The following KLF13 variants were observed in gnomAD, a reference collection of about 807,000 sequenced individuals.
KLF13 encodes the protein Krueppel-like factor 13.
In KLF13, 8 loss-of-function variants were observed where a neutral mutation model predicts 16.7. The ratio of observed to expected loss-of-function variants is 0.48; its 90% CI spans 0.28 to 0.87. The LOEUF (loss-of-function observed/expected upper bound fraction) is 0.87. KLF13 is among the 40% of genes least tolerant of loss of function. The pLI, the probability that KLF13 is intolerant of heterozygous loss-of-function variation, is 0.10. For missense variants in KLF13, 447 were observed against 452.2 expected (o/e 0.99, Z 0.10); for synonymous variants, 245 against 208.4 (o/e 1.18, Z -1.51).
At chr15:31,355,476 C>G (rs1331838979) in intron 1 of KLF13, among the ~76,000 whole-genome samples, 1 of 152,168 alleles carries the variant, frequency 6.6e-6, no homozygotes. Flanking sequence ...TCTTTCTGTA[C>G]GTTCATTGTG....
downstream of KLF13, among the ~76,000 whole-genome samples, chr15:31,380,419 G>A (rs2039709568): frequency 1.3e-5 from 2 of 152,192 alleles, no homozygotes; most frequent in South Asian, 2.1e-4. Context: ...TTCCATGAAG[G>A]GACTGGTGTT....
intron 1 of KLF13, among the ~76,000 whole-genome samples, chr15:31,328,732 C>T (rs1197228087): frequency 2.0e-5 from 3 of 152,194 alleles, no homozygotes; most frequent in Non-Finnish European, 2.9e-5. Context: ...TCATCTGTGG[C>T]GGTTCCCTCC....
At chr15:31,366,729 C>CCTTACTGTGTGCCCCCCTGTG (rs2039477758) in intron 1 of KLF13, among the ~76,000 whole-genome samples, 1 of 150,170 alleles carries the variant, frequency 6.7e-6, no homozygotes, top group Non-Finnish European at 1.5e-5. Flanking sequence ...TGGCCCCTCA[C>CCTTACTGTGTGCCCCCCTGTG]CTCACTGTGT....
chr15:31,410,690 GTAA>G (rs2040183505), intron 1 of KLF13, among the ~76,000 whole-genome samples: 1 of 151,684 alleles, frequency 6.6e-6, no homozygotes, highest in African/African-American at 2.4e-5. Context: ...AGGACATAAT[GTAA>G]TAATGAGTCA....
chr15:31,355,316 G>A (rs1476457957), intron 1 of KLF13, among the ~76,000 whole-genome samples: 1 of 152,184 alleles, frequency 6.6e-6, no homozygotes, highest in Non-Finnish European at 1.5e-5. Context: ...CTCTCCAATG[G>A]CTTCTGAAGA....
chr15:31,366,680 A>T lies in KLF13; in HGVS notation c.578-5330A>T, dbSNP rs1007000695. ...GCCATTGGGCTCCCTTTGCCTTAGA[A>T]TGGGAGGCGGGCTCACTCCCTGAAG... is the stretch of plus-strand genomic sequence containing the variant. On this transcript the variant is annotated intron_variant, in intron 1 of 1. Transcript: ENST00000307145. The T allele has an allele frequency of 4.2e-5, 6 of 142,122 alleles. No homozygotes were observed. The East Asian group carries it at 1.0e-3, about 25-fold the overall frequency. 8.8% of individuals were successfully genotyped at this position (142,122 alleles called of 1,614,324 possible). A position where few individuals can be genotyped will look rare whatever the true frequency, so the allele number is the denominator to read the frequency against.
chr15:31,420,170 G>A (rs769601962), intron 1 of KLF13: 29 of 526,704 alleles, frequency 5.5e-5, no homozygotes, highest in Admixed American at 1.1e-4. Context: ...TAGTGTCGTC[G>A]CCACCCATAA....
chr15:31,350,487 C>A (rs569019026), intron 1 of KLF13, among the ~76,000 whole-genome samples: 2 of 152,352 alleles, frequency 1.3e-5, no homozygotes, highest in South Asian at 4.1e-4. Context: ...ACTTTGCTTC[C>A]GTCTTCACCA....
chr15:31,361,142 G>T (rs931221229), intron 1 of KLF13, among the ~76,000 whole-genome samples: 1 of 152,192 alleles, frequency 6.6e-6, no homozygotes, highest in South Asian at 2.1e-4. Flanking sequence ...AATAGGCCTC[G>T]TAGAGCCTGG....
intron 1 of KLF13, 22 bp downstream of exon 1, chr15:31,327,811 C>T (rs758426050): frequency 4.9e-6 from 7 of 1,442,138 alleles, no homozygotes; most frequent in South Asian, 2.7e-5. Context: ...GGCGCGGGCG[C>T]CCGGATCGCG....
At chr15:31,348,843 T>G (rs1327113627) in intron 1 of KLF13, among the ~76,000 whole-genome samples, 1 of 152,114 alleles carries the variant, frequency 6.6e-6, no homozygotes, top group Non-Finnish European at 1.5e-5. Flanking sequence ...GCTGGCAGAT[T>G]ATTCTGTATC....
At chr15:31,407,641 A>C (rs1484195282), downstream of KLF13, among the ~76,000 whole-genome samples, 1 of 152,250 alleles carries the variant, frequency 6.6e-6, no homozygotes, top group Admixed American at 6.5e-5. Flanking sequence ...GAAAGTAAAA[A>C]TCAAGAAAAA....
chr15:31,407,564 T>A (rs945180906), downstream of KLF13, among the ~76,000 whole-genome samples: 3 of 152,216 alleles, frequency 2.0e-5, no homozygotes, highest in Non-Finnish European at 4.4e-5. Flanking sequence ...GAAAAGATTT[T>A]AAAAGTTAAC....
intron 1 of KLF13, among the ~76,000 whole-genome samples, chr15:31,355,422 GT>G (rs752859684): frequency 2.0e-5 from 3 of 152,214 alleles, no homozygotes; most frequent in Non-Finnish European, 2.9e-5. Flanking sequence ...TAAAAATTGT[GT>G]TAGAGTAGTG....
chr15:31,334,432 CT>C lies in KLF13; in HGVS notation c.577+6655del, dbSNP rs879438632. 4.9e-3 allele frequency among the ~76,000 whole-genome samples: 712 copies of C among 145,854 alleles called. 2 individuals are homozygous for C. Among genetic ancestry groups the C allele is most frequent in the Non-Finnish European group, 7.1e-3 (468 of 65,740 alleles). On this transcript the variant is annotated intron_variant, in intron 1 of 1. Coordinates refer to ENST00000307145, the MANE Select transcript of KLF13 (RefSeq NM_015995.4). ...GAACCTGTTTTTCTTTTCTTTCTTT[CT>C]TTTTTTTTTTTGAGACGAAGTCTTG...
Position 31,347,609 on chromosome 15 carries a change from G to A in KLF13, c.577+19820G>A, listed in dbSNP as rs556631221. 3.3e-5 allele frequency among the ~76,000 whole-genome samples: 5 copies of A among 152,326 alleles called. No individual in the cohort carries two copies. The East Asian group carries it at 5.8e-4, about 18-fold the overall frequency. ...ATCCTATGGCAGGCCCTAAGCCAGC[G>A]GAGCCTCAGAGTAGGGGAGAGAGGC... On this transcript the variant is annotated intron_variant, in intron 1 of 1. Coordinates refer to ENST00000307145, the MANE Select transcript of KLF13 (RefSeq NM_015995.4).
chr15:31,392,310 C>T (rs2039882914), upstream of KLF13, among the ~76,000 whole-genome samples: 2 of 152,238 alleles, frequency 1.3e-5, no homozygotes, highest in Admixed American at 1.3e-4. Context: ...AGCTCATGTA[C>T]CGCGGGCAGC....
At chr15:31,354,413 T>G (rs2039266757) in intron 1 of KLF13, among the ~76,000 whole-genome samples, 1 of 152,146 alleles carries the variant, frequency 6.6e-6, no homozygotes, top group Non-Finnish European at 1.5e-5. Context: ...AGAGTTACAC[T>G]CCTGTTGCCC....
intron 2 of KLF13, among the ~76,000 whole-genome samples, chr15:31,401,389 C>T (rs1245053375): frequency 3.9e-5 from 6 of 152,186 alleles, no homozygotes; most frequent in Admixed American, 1.3e-4. Context: ...CTTTTTGTCC[C>T]CCGGGTGGGG....
Sources: allele counts gnomAD v4.1 joint callset (sites outside exome capture counted in the v4.1 genomes callset), GRCh38; gene constraint gnomAD v4.1.1; transcripts MANE v1.5; gene names NCBI Gene and HGNC (gene_info 2026-07-23, HGNC 2026-07-21).